Variants in KCNU1 observed in about 807,000 individuals in gnomAD.
KCNU1 encodes potassium calcium-activated channel subfamily U member 1.
Under a neutral mutation model 126.8 loss-of-function variants are expected in KCNU1, and 93 were observed. The ratio of observed to expected loss-of-function variants is 0.73; its 90% CI spans 0.62 to 0.87. The LOEUF is 0.87. Ranked by LOEUF, KCNU1 falls within the 40% of genes least tolerant of loss-of-function variation. The pLI, the probability that KCNU1 is intolerant of heterozygous loss-of-function variation, is 0.00. For missense variants in KCNU1, 1,330 were observed against 1,367.1 expected, an observed-to-expected ratio of 0.97 and a Z score of 0.43; for synonymous variants, 523 against 494.2, an observed-to-expected ratio of 1.06 and a Z score of -0.77.
At chr8:36,845,944 G>T in intron 18 of KCNU1, 45 bp downstream of exon 18, 1 of 1,141,448 alleles carries the variant, frequency 8.8e-7, no homozygotes, top group Non-Finnish European at 1.3e-6. Flanking sequence ...AGCCTCTAGG[G>T]AGCTGCCTGA....
intron 19 of KCNU1, among the ~76,000 whole-genome samples, chr8:36,867,347 A>G (rs754016811): frequency 1.3e-5 from 2 of 152,074 alleles, no homozygotes; most frequent in Non-Finnish European, 2.9e-5. Flanking sequence ...GGAATGTGGC[A>G]TTTTCCATGC....
intron 19 of KCNU1, among the ~76,000 whole-genome samples, chr8:36,871,022 T>A (rs1585488944): frequency 6.6e-6 from 1 of 152,284 alleles, no homozygotes; most frequent in East Asian, 1.9e-4. Flanking sequence ...ACCACCAGAA[T>A]CCCTAGCAGG....
At position 36,806,259 on chromosome 8, in the gene KCNU1, T is replaced by C. The variant is rs922444136; in HGVS notation, c.469-10T>C. 8 of 1,574,900 alleles carry C rather than the reference T, an allele frequency of 5.1e-6. No individual in the cohort carries two copies. Among genetic ancestry groups the C allele is most frequent in the Non-Finnish European group, 6.1e-6 (7 of 1,150,496 alleles). On this transcript the variant is annotated splice_polypyrimidine_tract_variant and intron_variant, in intron 4 of 26. Transcript: ENST00000399881. ...AACAGAATTTGTGTTATTCTGTTTC[T>C]ATTTCATAGTTTATGGCAGCTGATG...
chr8:36,814,994 G>A (rs534523500), intron 8 of KCNU1, among the ~76,000 whole-genome samples: 1 of 151,870 alleles, frequency 6.6e-6, no homozygotes, highest in Admixed American at 6.6e-5. Context: ...ATTTTTCCAA[G>A]CCCCAAATAG....
At position 36,849,781 on chromosome 8, in the gene KCNU1, G is replaced by A. The variant is rs557933775; in HGVS notation, c.1891+3882G>A. On this transcript the variant is annotated intron_variant, in intron 18 of 26. Transcript: ENST00000399881. ...TACATATTGTATATAATGCTGCTAT[G>A]CACATTGGGGCACAAATATCTGTTC... is the stretch of plus-strand genomic sequence containing the variant. Among the ~76,000 whole-genome samples, 16 of 152,190 alleles carry A rather than the reference G, an allele frequency of 1.1e-4. No homozygotes were observed. The East Asian group carries it at 2.7e-3, about 26-fold the overall frequency.
At chr8:36,812,970 A>G (rs1161123299) in intron 7 of KCNU1, among the ~76,000 whole-genome samples, 1 of 152,230 alleles carries the variant, frequency 6.6e-6, no homozygotes, top group Non-Finnish European at 1.5e-5. Flanking sequence ...CTGTACTACA[A>G]CATTGTAAAA....
At chr8:36,816,761 A>G (rs190380498) in intron 9 of KCNU1, among the ~76,000 whole-genome samples, 3 of 152,274 alleles carry the variant, frequency 2.0e-5, no homozygotes, top group East Asian at 3.9e-4. Context: ...CAAAAACTAT[A>G]TGCATAGAGT....
At position 36,935,675 on chromosome 8, in the gene KCNU1, C is replaced by T. The variant is rs1387459098; in HGVS notation, c.3205C>T (p.His1069Tyr). The T allele has an allele frequency of 6.2e-7, 1 of 1,613,414 alleles. No individual in the cohort carries two copies. Among genetic ancestry groups the T allele is most frequent in the South Asian group, 1.1e-5 (1 of 91,064 alleles). ...TAAAGCATCACAGACAACAGAGACA[C>T]ATTCAGACACAAATTGTCCTCCCAC... ...VNKASQTTET[H>Y]SDTNCPPTID... Residue 1069 changes from histidine (H) to tyrosine (Y), a missense_variant, in exon 27 of 27, where the codon CAT (histidine) becomes TAT (tyrosine). Transcript: ENST00000399881.
intron 19 of KCNU1, among the ~76,000 whole-genome samples, chr8:36,869,498 A>G (rs1023496838): frequency 6.6e-6 from 1 of 152,106 alleles, no homozygotes; most frequent in Non-Finnish European, 1.5e-5. Flanking sequence ...TACAGATACC[A>G]GGGACCGTAA....
intron 19 of KCNU1, among the ~76,000 whole-genome samples, chr8:36,877,142 A>G (rs1374232223): frequency 1.3e-5 from 2 of 152,324 alleles, no homozygotes; most frequent in Admixed American, 1.3e-4. Context: ...CAGTGAACCC[A>G]GCAGGGGCTG....
chr8:36,830,820 C>T (rs1226120109), intron 10 of KCNU1, among the ~76,000 whole-genome samples: 1 of 151,512 alleles, frequency 6.6e-6, no homozygotes, highest in Admixed American at 6.6e-5. Context: ...AGGTTAGTTG[C>T]ATATGTATAC....
intron 6 of KCNU1, among the ~76,000 whole-genome samples, chr8:36,807,878 C>T (rs746307625): frequency 6.6e-6 from 1 of 152,086 alleles, no homozygotes; most frequent in Admixed American, 6.6e-5. Flanking sequence ...CATACATTAC[C>T]CAGCAGCAGC....
intron 20 of KCNU1, among the ~76,000 whole-genome samples, chr8:36,906,365 T>A (rs1807629953): frequency 6.6e-6 from 1 of 152,132 alleles, no homozygotes. Context: ...CATGTCCTTG[T>A]CTCTCTTCTC....
intron 1 of KCNU1, 77 bp downstream of exon 1, chr8:36,784,682 C>A: frequency 9.0e-7 from 1 of 1,116,662 alleles, no homozygotes; most frequent in Non-Finnish European, 1.3e-6. Flanking sequence ...AGTAAAAGAT[C>A]TAAGCTTCAT....
chr8:36,918,931 G>C (rs749754663), intron 23 of KCNU1, 34 bp downstream of exon 23: 4 of 1,325,016 alleles, frequency 3.0e-6, no homozygotes, highest in Non-Finnish European at 4.3e-6. Flanking sequence ...ATTCAATGGA[G>C]AAATTTTTGT....
At chr8:36,845,271 G>T (rs1805100724) in intron 16 of KCNU1, among the ~76,000 whole-genome samples, 1 of 152,166 alleles carries the variant, frequency 6.6e-6, no homozygotes, top group African/African-American at 2.4e-5. Flanking sequence ...GCAAGATGTT[G>T]TGCACCTGAG....
chr8:36,816,949 A>G (rs550394987), intron 9 of KCNU1, among the ~76,000 whole-genome samples: 1 of 152,100 alleles, frequency 6.6e-6, no homozygotes, highest in East Asian at 1.9e-4. Context: ...AAAACAAACA[A>G]CAACAACAAC....
At chr8:36,833,903 A>AT (rs1804651445) in intron 11 of KCNU1, among the ~76,000 whole-genome samples, 1 of 152,148 alleles carries the variant, frequency 6.6e-6, no homozygotes, top group Non-Finnish European at 1.5e-5. Context: ...TATTTCTCAA[A>AT]ATTCTCTATC....
intron 21 of KCNU1, among the ~76,000 whole-genome samples, chr8:36,910,259 A>G (rs1373438245): frequency 6.6e-6 from 1 of 152,148 alleles, no homozygotes; most frequent in Non-Finnish European, 1.5e-5. Flanking sequence ...TGTAAGGAAT[A>G]TTTTTCAAAT....
Sources: gnomAD v4.1 joint callset for allele counts (sites outside exome capture counted in the v4.1 genomes callset) on GRCh38, gnomAD v4.1.1 for gene constraint, MANE v1.5 for transcripts, NCBI Gene and HGNC (gene_info 2026-07-23, HGNC 2026-07-21) for gene names.